The following GNAQ variants were observed in gnomAD, a reference collection of about 807,000 sequenced individuals.
The protein encoded by GNAQ is G protein subunit alpha q.
GNAQ carries 8 observed loss-of-function variants against 43.9 expected under a neutral mutation model. The observed-to-expected ratio is 0.18, with a 90% confidence interval of 0.11 to 0.33. GNAQ has a LOEUF of 0.33. GNAQ is among the 10% of genes least tolerant of loss of function. The pLI is 1.00. For synonymous variants in GNAQ, 155 were observed against 170.7 expected (o/e 0.91, Z 0.71); for missense variants, 158 against 450.8 (o/e 0.35, Z 5.88).
intron 5 of GNAQ, among the ~76,000 whole-genome samples, chr9:77,761,509 C>T (rs1296311278): frequency 1.4e-5 from 2 of 143,044 alleles, no homozygotes; most frequent in African/African-American, 2.6e-5. Flanking sequence ...GGGAGGTCAG[C>T]CCCCCGCCCG....
In GNAQ at chr9:77,953,777, A is replaced by G. The variant is rs193044976; in HGVS notation, c.137-31432T>C. 7.7e-3 allele frequency among the ~76,000 whole-genome samples: 1,179 copies of G among 152,308 alleles called. 20 individuals carry two copies. The highest frequency in any genetic ancestry group is 0.027 in the African/African-American group (1,128 of 41,574). ...ATAAATGTTGTGGCTATCAAAACTA[A>G]GGAAGTAAATCAAATACAGCTGCTG... On this transcript the variant is annotated intron_variant, in intron 1 of 6. Transcript: ENST00000286548.
chr9:77,949,310 T>G (rs1041401519), intron 1 of GNAQ, among the ~76,000 whole-genome samples: 10 of 151,990 alleles, frequency 6.6e-5, no homozygotes, highest in African/African-American at 2.2e-4. Flanking sequence ...GGGGCAGAAA[T>G]GAATGTGGTG....
At chr9:78,010,648 A>G (rs1423559965) in intron 1 of GNAQ, among the ~76,000 whole-genome samples, 1 of 152,098 alleles carries the variant, frequency 6.6e-6, no homozygotes, top group African/African-American at 2.4e-5. Flanking sequence ...AAAAACAGCA[A>G]CTTCCTTTCT....
chr9:77,773,840 C>T (rs1826265335), intron 5 of GNAQ, among the ~76,000 whole-genome samples: 1 of 152,180 alleles, frequency 6.6e-6, no homozygotes, highest in Admixed American at 6.5e-5. Context: ...TTAATCTAGG[C>T]TCTCTGAAGA....
chr9:77,990,340 C>A (rs1036555587), intron 1 of GNAQ, among the ~76,000 whole-genome samples: 1 of 152,166 alleles, frequency 6.6e-6, no homozygotes, highest in African/African-American at 2.4e-5. Context: ...GCCTTAGCCT[C>A]CTAAGTAGCT....
chr9:77,925,051 G>T (rs75449897), intron 1 of GNAQ, among the ~76,000 whole-genome samples: 7 of 152,120 alleles, frequency 4.6e-5, no homozygotes, highest in African/African-American at 1.7e-4. Flanking sequence ...GCTCCTGCTG[G>T]GTGGCCCTCT....
At chr9:77,830,346 A>G (rs1374176150) in intron 2 of GNAQ, among the ~76,000 whole-genome samples, 1 of 152,202 alleles carries the variant, frequency 6.6e-6, no homozygotes, top group African/African-American at 2.4e-5. Context: ...TGGGGCACAG[A>G]GAGAAAATAT....
In GNAQ at chr9:77,974,512, T is replaced by C. The variant is rs1823275304; in HGVS notation, c.137-52167A>G. On this transcript the variant is annotated intron_variant, in intron 1 of 6. Transcript: ENST00000286548. ...ACTTTAAAGACACTCATGTAATCTT[T>C]GCAGCACTCCTTATGTACTAGGCAC... Among the ~76,000 whole-genome samples the C allele has an allele frequency of 5.9e-5, 9 of 152,238 alleles. No homozygotes were observed. The South Asian group carries it at 1.9e-3, about 31-fold the overall frequency.
chr9:77,784,413 C>CA (rs1371244143), intron 5 of GNAQ, among the ~76,000 whole-genome samples: 2 of 152,016 alleles, frequency 1.3e-5, no homozygotes, highest in African/African-American at 4.8e-5. Context: ...TCAGTGTTGA[C>CA]AAAAAATTTT....
At chr9:77,824,624 G>A (rs1319857360) in intron 2 of GNAQ, among the ~76,000 whole-genome samples, 4 of 151,952 alleles carry the variant, frequency 2.6e-5, no homozygotes, top group African/African-American at 7.3e-5. Context: ...AATTATACTC[G>A]TATCATTACC....
intron 2 of GNAQ, among the ~76,000 whole-genome samples, chr9:77,819,130 A>G (rs1827069890): frequency 6.6e-6 from 1 of 152,132 alleles, no homozygotes; most frequent in Non-Finnish European, 1.5e-5. Flanking sequence ...CTGGGTGGAA[A>G]TAATGATGAA....
chr9:77,795,171 G>A (rs1826637566), intron 4 of GNAQ, among the ~76,000 whole-genome samples: 1 of 152,056 alleles, frequency 6.6e-6, no homozygotes, highest in Non-Finnish European at 1.5e-5. Context: ...ATAAGAATTT[G>A]GCACAGGTCC....
intron 5 of GNAQ, among the ~76,000 whole-genome samples, chr9:77,770,460 C>G (rs1321833737): frequency 1.3e-5 from 2 of 152,156 alleles, no homozygotes; most frequent in African/African-American, 4.8e-5. Context: ...TAAAAAACAA[C>G]AACAAAACAC....
intron 2 of GNAQ, among the ~76,000 whole-genome samples, chr9:77,860,116 C>T (rs770484258): frequency 7.2e-5 from 11 of 152,174 alleles, no homozygotes; most frequent in Non-Finnish European, 1.3e-4. Context: ...ACTGAGATTT[C>T]ATATTAAAGC....
At chr9:77,993,050 A>C (rs1015539381) in intron 1 of GNAQ, among the ~76,000 whole-genome samples, 2 of 152,226 alleles carry the variant, frequency 1.3e-5, no homozygotes, top group Non-Finnish European at 2.9e-5. Flanking sequence ...ACATTCCAAT[A>C]TTGTTAGCTA....
intron 1 of GNAQ, among the ~76,000 whole-genome samples, chr9:78,015,366 G>A (rs1823826178): frequency 6.6e-6 from 1 of 152,106 alleles, no homozygotes; most frequent in South Asian, 2.1e-4. Context: ...AAATTTCTCA[G>A]AAGGTATCCC....
At chr9:77,752,312 T>TC (rs1825824952) in intron 5 of GNAQ, among the ~76,000 whole-genome samples, 1 of 152,198 alleles carries the variant, frequency 6.6e-6, no homozygotes, top group Non-Finnish European at 1.5e-5. Context: ...TAAGATGAGT[T>TC]CTAATGTTTC....
intron 4 of GNAQ, among the ~76,000 whole-genome samples, chr9:77,796,710 T>G (rs973213217): frequency 5.9e-5 from 9 of 152,180 alleles, no homozygotes; most frequent in African/African-American, 2.2e-4. Flanking sequence ...AAGCAACATA[T>G]TTTATGAATA....
At chr9:77,785,580 C>A (rs1315845190) in intron 5 of GNAQ, among the ~76,000 whole-genome samples, 1 of 152,128 alleles carries the variant, frequency 6.6e-6, no homozygotes, top group Non-Finnish European at 1.5e-5. Flanking sequence ...TGGATGTGTT[C>A]ACTTTGTGAC....
Sources: gnomAD v4.1 joint callset for allele counts (sites outside exome capture counted in the v4.1 genomes callset) on GRCh38, gnomAD v4.1.1 for gene constraint, MANE v1.5 for transcripts, NCBI Gene and HGNC (gene_info 2026-07-23, HGNC 2026-07-21) for gene names.